The following NDOR1 variants were observed in gnomAD, a reference collection of about 807,000 sequenced individuals.
NDOR1 encodes the protein NADPH-dependent diflavin oxidoreductase 1.
NDOR1 carries 61 observed loss-of-function variants against 67.2 expected under a neutral mutation model. The observed-to-expected ratio is 0.91, with a 90% confidence interval of 0.74 to 1.12. The LOEUF (loss-of-function observed/expected upper bound fraction) is 1.12, where lower values mean the gene tolerates loss of function less well. NDOR1 is among the 50% of genes most tolerant of loss of function. The pLI is 0.00. For synonymous variants in NDOR1, 378 were observed against 343.7 expected, an observed-to-expected ratio of 1.10 and a Z score of -1.10; for missense variants, 878 against 802.8, an observed-to-expected ratio of 1.09 and a Z score of -1.13.
At chr9:137,209,640 C>T (rs1835153336) in intron 2 of NDOR1, among the ~76,000 whole-genome samples, 1 of 152,208 alleles carries the variant, frequency 6.6e-6, no homozygotes, top group Non-Finnish European at 1.5e-5. Flanking sequence ...ATAGCTAAAC[C>T]AGAGGACCCT....
Position 137,212,659 on chromosome 9 carries a change from T to C in NDOR1, c.311+60T>C. On this transcript the variant is annotated intron_variant, in intron 3 of 13. Transcript: ENST00000684003. This position sits in a 1 kb window ranked among gnomAD's most constrained non-coding sequence, Gnocchi z 4.3. ...AGTTCTGGGGGTCGAGCAACAGGTG[T>C]GCTGGCAGAGGACCGAGACCAGCTT... 6.7e-7 allele frequency: 1 copy of C among 1,496,738 alleles called. No homozygotes were observed. Among genetic ancestry groups the C allele is most frequent in the South Asian group, 1.1e-5 (1 of 88,736 alleles). 92.7% of individuals were successfully genotyped at this position (1,496,738 alleles called of 1,614,324 possible). A position where few individuals can be genotyped will look rare whatever the true frequency, so the allele number is the denominator to read the frequency against.
Position 137,212,913 on chromosome 9 carries a change from G to T in NDOR1, c.311+314G>T. ...TGAAGTGTTGACGACTTTGAGCCTG[G>T]AGGAGGACCCCGTATGCTCCTGCCA... On this transcript the variant is annotated intron_variant, in intron 3 of 13. Coordinates refer to ENST00000684003, the MANE Select transcript of NDOR1 (RefSeq NM_014434.4). The surrounding 1 kb of genome is among the most constrained non-coding windows in gnomAD (Gnocchi z 4.3). 2.8e-6 allele frequency: 1 copy of T among 361,444 alleles called. No individual in the cohort carries two copies. Among genetic ancestry groups the T allele is most frequent in the Non-Finnish European group, 5.2e-6 (1 of 192,192 alleles). 22.4% of individuals were successfully genotyped at this position (361,444 alleles called of 1,614,324 possible).
Position 137,216,017 on chromosome 9 carries a change from G to A in NDOR1, c.1554G>A (p.Gln518=), listed in dbSNP as rs755761820. The change falls in exon 12 of 14, where the codon CAG becomes CAA. Residue 518 remains glutamine, a splice_region_variant and synonymous_variant. Coordinates refer to ENST00000684003, the MANE Select transcript of NDOR1 (RefSeq NM_014434.4). ...LTLIPAFSRE[Q]EQKVYVQHRL... is the part of the protein sequence containing the mutation. ...TCATCCCTGCCTTCTCCCGGGAACA[G>A]GTGTGTATGCTCAGGGGCTGGGAAA... is the stretch of plus-strand genomic sequence containing the variant. 1 of 1,613,454 alleles carries A rather than the reference G, an allele frequency of 6.2e-7. No individual in the cohort carries two copies. Among genetic ancestry groups the A allele is most frequent in the African/African-American group, 1.3e-5 (1 of 74,948 alleles).
chr9:137,214,526 C>G, intron 6 of NDOR1, 44 bp from the exon 7 acceptor site: 1 of 1,609,482 alleles, frequency 6.2e-7, no homozygotes, highest in East Asian at 2.2e-5. Context: ...CCCCGACATC[C>G]TCCCTGCGGC....
intron 2 of NDOR1, among the ~76,000 whole-genome samples, chr9:137,211,685 T>G (rs931106138): frequency 6.6e-6 from 1 of 151,772 alleles, no homozygotes; most frequent in Non-Finnish European, 1.5e-5. Context: ...GAGAGGCAGC[T>G]GATGAGGCAG....
chr9:137,205,896 T>C lies in NDOR1; in HGVS notation c.119T>C (p.Leu40Pro). The change falls in exon 1 of 14, where the codon CTG becomes CCG. Residue 40 changes from leucine (L) to proline (P), a missense_variant. Physicochemically the swap from Leu to Pro is moderately conservative, Grantham distance 98. Transcript: ENST00000684003. ...RRRLGCRVQA[L>P]DSYPVVNLIN... ...CGGCTTGGCTGCCGGGTGCAGGCCC[T>C]GGACTCCTACCCGGTGGTGAGGGCT... is the stretch of plus-strand genomic sequence containing the variant. 3 of 1,595,486 alleles carry C rather than the reference T, an allele frequency of 1.9e-6. No individual in the cohort carries two copies. The highest frequency in any genetic ancestry group is 2.5e-6 in the Non-Finnish European group (3 of 1,176,864).
intron 2 of NDOR1, among the ~76,000 whole-genome samples, chr9:137,208,860 T>G (rs926847297): frequency 6.6e-6 from 1 of 151,766 alleles, no homozygotes; most frequent in East Asian, 1.9e-4. Context: ...ACATGTTTTT[T>G]TTGTTGTTGT....
Position 137,218,800 on chromosome 9 carries a change from C to T in NDOR1, c.*2384C>T. ...CCAGAGGCCTGACCCTGCCAGAGTC[C>T]ATGGCTGCACTGCTGCCCAGACACT... On this transcript the variant is annotated 3_prime_UTR_variant, in exon 14 of 14. Transcript: ENST00000684003. 1 of 396,564 alleles carries T rather than the reference C, an allele frequency of 2.5e-6. No homozygotes were observed. Among genetic ancestry groups the T allele is most frequent in the Non-Finnish European group, 4.4e-6 (1 of 225,234 alleles). The allele number at this position is 396,564 out of a possible 1,614,324, so 24.6% of individuals were successfully genotyped here.
Position 137,205,734 on chromosome 9 carries a change from C to A in NDOR1, c.-44C>A, listed in dbSNP as rs377743813. 1.3e-6 allele frequency: 2 copies of A among 1,598,776 alleles called. No individual in the cohort carries two copies. Among genetic ancestry groups the A allele is most frequent in the African/African-American group, 2.7e-5 (2 of 74,774 alleles). On this transcript the variant is annotated 5_prime_UTR_variant, in exon 1 of 14. Transcript: ENST00000684003. ...CCTGCAACCCGGCCGGCGGGAACTGCCTTCTAGTTTTTAGTCTCAGACCAG... is the reference window on the plus strand; with the variant it reads ...CCTGCAACCCGGCCGGCGGGAACTGACTTCTAGTTTTTAGTCTCAGACCAG...
In NDOR1 at chr9:137,219,142, A is replaced by G. The variant is rs1413600548; in HGVS notation, c.*2726A>G. On this transcript the variant is annotated 3_prime_UTR_variant, in exon 14 of 14. Coordinates refer to ENST00000684003, the MANE Select transcript of NDOR1 (RefSeq NM_014434.4). ...TCCATGCTGCGAAAATTCAGCCTGC[A>G]AAGGCTCCTCTCCCCACTTGATCAG... 1 of 152,696 alleles carries G rather than the reference A, an allele frequency of 6.5e-6. No individual in the cohort carries two copies. The highest frequency in any genetic ancestry group is 1.5e-5 in the Non-Finnish European group (1 of 68,392). 9.5% of individuals were successfully genotyped at this position (152,696 alleles called of 1,614,324 possible). A position where few individuals can be genotyped will look rare whatever the true frequency, so the allele number is the denominator to read the frequency against.
At chr9:137,206,440 C>T (rs1193963309) in intron 2 of NDOR1, 131 bp downstream of exon 2, 12 of 973,104 alleles carry the variant, frequency 1.2e-5, no homozygotes, top group Non-Finnish European at 1.8e-5. Context: ...TTTGAGAGAA[C>T]GTCCGTGAGT....
rs949463558 is a variant in NDOR1, at chr9:137,218,295, C to A, written c.*1879C>A. On this transcript the variant is annotated 3_prime_UTR_variant, in exon 14 of 14. Transcript: ENST00000684003. ...GAGCTGCTACAGGCCGACGGGCCCT[C>A]ACGCCAGCCCCGCCGAGAGGCCCCT... is the stretch of plus-strand genomic sequence containing the variant. The A allele has an allele frequency of 1.4e-4, 55 of 398,184 alleles. No homozygotes were observed. Among genetic ancestry groups the A allele is most frequent in the African/African-American group, 1.1e-3 (52 of 48,618 alleles). The allele number at this position is 398,184 out of a possible 1,614,324, so 24.7% of individuals were successfully genotyped here.
intron 10 of NDOR1, 41 bp downstream of exon 10, chr9:137,215,562 C>G: frequency 6.2e-7 from 1 of 1,611,108 alleles, no homozygotes; most frequent in East Asian, 2.2e-5. Context: ...GGCCCATATC[C>G]CCTTCTCTCC....
At chr9:137,208,143 C>CAAAAA (rs34327783) in intron 2 of NDOR1, among the ~76,000 whole-genome samples, 3 of 57,102 alleles carry the variant, frequency 5.3e-5, no homozygotes, top group Non-Finnish European at 1.0e-4. Flanking sequence ...TAGACTCTGT[C>CAAAAA]AAAAAAAAAA....
Position 137,205,776 on chromosome 9 carries a change from C to A in NDOR1, c.-2C>A. ...TCAGACCAGACCACCGGGCGCACCC[C>A]GATGCCGAGCCCGCAGCTTCTGGTG... On this transcript the variant is annotated 5_prime_UTR_variant, in exon 1 of 14. Coordinates refer to ENST00000684003, the MANE Select transcript of NDOR1 (RefSeq NM_014434.4). The A allele has an allele frequency of 6.2e-7, 1 of 1,603,508 alleles. No individual in the cohort carries two copies. The highest frequency in any genetic ancestry group is 1.7e-4 in the Middle Eastern group (1 of 6,044).
At chr9:137,209,177 G>T (rs1198880945) in intron 2 of NDOR1, among the ~76,000 whole-genome samples, 1 of 152,142 alleles carries the variant, frequency 6.6e-6, no homozygotes, top group South Asian at 2.1e-4. Flanking sequence ...CACCACACCC[G>T]GCCAAAACTT....
Position 137,216,420 on chromosome 9 carries a change from C to T in NDOR1, c.*4C>T, listed in dbSNP as rs371671455. 1.9e-5 allele frequency: 31 copies of T among 1,596,840 alleles called. No homozygotes were observed. Among genetic ancestry groups the T allele is most frequent in the Non-Finnish European group, 2.5e-5 (29 of 1,175,760 alleles). ...CCAGACAGAGACGTGGGCCTGAGGC[C>T]CGCGGCTGCCCGTGCCCCCTCTGAC... On this transcript the variant is annotated 3_prime_UTR_variant, in exon 14 of 14. Coordinates refer to ENST00000684003, the MANE Select transcript of NDOR1 (RefSeq NM_014434.4).
rs145936427 is a variant in NDOR1 at position 137,209,963 on chromosome 9, C to T, written c.214-2539C>T. ...AAAAAATTAGCTGGGTGTATTGGTGCATGCCTGTAATCTCAGCTACTCAGG... is the reference window on the plus strand; with the variant it reads ...AAAAAATTAGCTGGGTGTATTGGTGTATGCCTGTAATCTCAGCTACTCAGG... On this transcript the variant is annotated intron_variant, in intron 2 of 13. Transcript: ENST00000684003. Among the ~76,000 whole-genome samples, 17 of 152,316 alleles carry T rather than the reference C, an allele frequency of 1.1e-4. No homozygotes were observed. In the East Asian group the frequency reaches 3.1e-3, roughly 28 times the overall value.
Position 137,216,892 on chromosome 9 carries a change from A to G in NDOR1, c.*476A>G. The G allele has an allele frequency of 5.1e-6, 1 of 195,028 alleles. No homozygotes were observed. Among genetic ancestry groups the G allele is most frequent in the Non-Finnish European group, 1.1e-5 (1 of 93,776 alleles). The allele number at this position is 195,028 out of a possible 1,614,324, so 12.1% of individuals were successfully genotyped here. Reference sequence around the variant, plus strand: ...CTCCCACAGGGCTCAGGCTGGGCTCAGAGGCCACTGAGATGCCAGCTCCTT... The same window carrying G: ...CTCCCACAGGGCTCAGGCTGGGCTCGGAGGCCACTGAGATGCCAGCTCCTT... On this transcript the variant is annotated 3_prime_UTR_variant, in exon 14 of 14. Transcript: ENST00000684003.
Sources: gnomAD v4.1 joint callset for allele counts (sites outside exome capture counted in the v4.1 genomes callset) on GRCh38, gnomAD v4.1.1 for gene constraint, Gnocchi (gnomAD v3.1) non-coding constraint, MANE v1.5 for transcripts, NCBI Gene and HGNC (gene_info 2026-07-23, HGNC 2026-07-21) for gene names.